The following INPP5A variants were observed in gnomAD, a reference collection of about 807,000 sequenced individuals.
INPP5A encodes inositol polyphosphate-5-phosphatase A, also known as 43 kDa inositol polyphosphate 5-phophatase.
Under a neutral mutation model 65.2 loss-of-function variants are expected in INPP5A, and 14 were observed. That is an observed-to-expected ratio of 0.21 (90% CI 0.14 to 0.34). The LOEUF (loss-of-function observed/expected upper bound fraction) is 0.34. INPP5A is among the 10% of genes least tolerant of loss of function. The pLI is 1.00. For missense variants in INPP5A, 431 were observed against 545.6 expected, an observed-to-expected ratio of 0.79 and a Z score of 2.09; for synonymous variants, 207 against 208.3, an observed-to-expected ratio of 0.99 and a Z score of 0.05.
intron 9 of INPP5A, among the ~76,000 whole-genome samples, chr10:132,733,820 G>A (rs926812682): frequency 1.3e-5 from 2 of 152,232 alleles, no homozygotes; most frequent in African/African-American, 4.8e-5. Context: ...CAGCCTCTGC[G>A]CGTGAACAAG....
chr10:132,777,418 C>T (rs1018733600), intron 12 of INPP5A, among the ~76,000 whole-genome samples: 10 of 152,244 alleles, frequency 6.6e-5, no homozygotes, highest in African/African-American at 2.4e-4. Context: ...CAGACAATTT[C>T]ATGCAGTAAA....
intron 2 of INPP5A, among the ~76,000 whole-genome samples, chr10:132,613,034 A>C (rs2071980636): frequency 6.6e-6 from 1 of 152,192 alleles, no homozygotes; most frequent in Non-Finnish European, 1.5e-5. Flanking sequence ...GCAAGACCCC[A>C]ACTTGACAGA....
At chr10:132,720,760 C>A (rs1845857199) in intron 8 of INPP5A, among the ~76,000 whole-genome samples, 1 of 149,522 alleles carries the variant, frequency 6.7e-6, no homozygotes, top group South Asian at 2.1e-4. Context: ...AGACGGCTGT[C>A]TTGCGGGTTC....
chr10:132,614,887 C>T (rs2072009418), intron 2 of INPP5A, among the ~76,000 whole-genome samples: 1 of 152,282 alleles, frequency 6.6e-6, no homozygotes, highest in African/African-American at 2.4e-5. Context: ...AGAGTGGACC[C>T]TCCTCGTGGA....
rs557965634 is a variant in INPP5A at position 132,546,248 on chromosome 10, G to A, written c.75+8077G>A. 2.9e-4 allele frequency among the ~76,000 whole-genome samples: 44 copies of A among 152,364 alleles called. No individual in the cohort carries two copies. In the East Asian group the frequency reaches 4.2e-3, roughly 15 times the overall value. On this transcript the variant is annotated intron_variant, in intron 1 of 15. Coordinates refer to ENST00000368594, the MANE Select transcript of INPP5A (RefSeq NM_005539.5). The surrounding 1 kb of genome is among the most constrained non-coding windows in gnomAD (Gnocchi z 5.7). ...GCTCCCAGCCCGCGGGGGTCTTGGCGTTGGCGCAGAAGTGGTTTCCCAGCG... is the reference window on the plus strand; with the variant it reads ...GCTCCCAGCCCGCGGGGGTCTTGGCATTGGCGCAGAAGTGGTTTCCCAGCG...
At chr10:132,584,139 T>C (rs2071519952) in intron 1 of INPP5A, among the ~76,000 whole-genome samples, 2 of 152,242 alleles carry the variant, frequency 1.3e-5, no homozygotes, top group South Asian at 4.1e-4. Context: ...TACACATCAG[T>C]GAGAGCTGTT....
chr10:132,660,048 C>T (rs922869070), intron 4 of INPP5A, among the ~76,000 whole-genome samples: 44 of 152,218 alleles, frequency 2.9e-4, no homozygotes, highest in African/African-American at 9.9e-4. Flanking sequence ...TCCGCCGACG[C>T]GTGGCCCACG....
At chr10:132,721,521 A>C (rs1175300906) in intron 8 of INPP5A, among the ~76,000 whole-genome samples, 8 of 149,662 alleles carry the variant, frequency 5.3e-5, no homozygotes, top group Non-Finnish European at 8.9e-5. Flanking sequence ...TGGGGGCCTT[A>C]GACGGCTATC....
rs564140459 is a variant in INPP5A, at chr10:132,768,558, G to T, written c.977+2712G>T. Among the ~76,000 whole-genome samples the T allele has an allele frequency of 7.7e-4, 118 of 152,318 alleles. 1 individual carries two copies. The South Asian group carries it at 8.9e-3, about 11-fold the overall frequency. On this transcript the variant is annotated intron_variant, in intron 12 of 15. Transcript: ENST00000368594. Reference sequence around the variant, plus strand: ...TGCGTGCCAGGCTCGTCCACCTGCCGCCTCACACTCTTCCCCGTGCAGCTC... The same window carrying T: ...TGCGTGCCAGGCTCGTCCACCTGCCTCCTCACACTCTTCCCCGTGCAGCTC...
rs540155968 is a variant in INPP5A, at chr10:132,634,241, G to A, written c.118-11627G>A. Among the ~76,000 whole-genome samples, 11 of 151,842 alleles carry A rather than the reference G, an allele frequency of 7.2e-5. No individual in the cohort carries two copies. In the South Asian group the frequency reaches 1.3e-3, roughly 17 times the overall value. ...CCATCTCCCTTGGCGGGTGTGCCCC[G>A]GAGAGGCGTGTCATCTCCCTTGGCA... On this transcript the variant is annotated intron_variant, in intron 2 of 15. Transcript: ENST00000368594.
intron 5 of INPP5A, among the ~76,000 whole-genome samples, chr10:132,691,586 T>C (rs1845262827): frequency 6.6e-6 from 1 of 152,236 alleles, no homozygotes. Context: ...ACTACTAAGT[T>C]AAATCAGTCA....
intron 1 of INPP5A, among the ~76,000 whole-genome samples, chr10:132,552,983 G>A (rs1237872136): frequency 4.7e-5 from 5 of 106,026 alleles, no homozygotes; most frequent in African/African-American, 1.5e-4. Flanking sequence ...ATTGGTGAAC[G>A]CCTTCTCAGA....
chr10:132,764,745 C>T (rs570923104), intron 11 of INPP5A, among the ~76,000 whole-genome samples: 1,259 of 93,392 alleles, frequency 0.013, 21 homozygotes, highest in Middle Eastern at 0.037. Flanking sequence ...CACGGTCGGG[C>T]CAGTCCTGCT....
chr10:132,626,732 C>T (rs1251765327), intron 2 of INPP5A, among the ~76,000 whole-genome samples: 2 of 152,220 alleles, frequency 1.3e-5, no homozygotes, highest in East Asian at 3.9e-4. Flanking sequence ...GGAATGCACA[C>T]GTTAGCAGTC....
intron 1 of INPP5A, among the ~76,000 whole-genome samples, chr10:132,594,043 G>A (rs1018690910): frequency 6.6e-6 from 1 of 152,146 alleles, no homozygotes. Context: ...AGTTTTTAAC[G>A]TGCTGCTGGA....
At chr10:132,557,171 G>A (rs2071137781) in intron 1 of INPP5A, among the ~76,000 whole-genome samples, 2 of 152,264 alleles carry the variant, frequency 1.3e-5, no homozygotes, top group Admixed American at 1.3e-4. Flanking sequence ...CCCTTGCAGA[G>A]GGGTATCCTT....
At chr10:132,763,685 G>A (rs542433797) in intron 11 of INPP5A, among the ~76,000 whole-genome samples, 100 of 150,598 alleles carry the variant, frequency 6.6e-4, no homozygotes, top group Non-Finnish European at 1.2e-3. Context: ...ACACGTGCCT[G>A]CATGCAAACA....
chr10:132,658,578 G>A (rs1265995617), intron 4 of INPP5A, among the ~76,000 whole-genome samples: 1 of 152,106 alleles, frequency 6.6e-6, no homozygotes, highest in Non-Finnish European at 1.5e-5. Flanking sequence ...GCTGCAGGCC[G>A]GGCCTTGGAT....
intron 11 of INPP5A, among the ~76,000 whole-genome samples, chr10:132,761,418 A>G (rs1446719278): frequency 1.3e-5 from 2 of 152,196 alleles, no homozygotes; most frequent in Non-Finnish European, 2.9e-5. Flanking sequence ...AGACAGACAG[A>G]CACATCCCTG....
Sources: allele counts gnomAD v4.1 joint callset (sites outside exome capture counted in the v4.1 genomes callset), GRCh38; gene constraint gnomAD v4.1.1; non-coding constraint Gnocchi (gnomAD v3.1); transcripts MANE v1.5; gene names NCBI Gene and HGNC (gene_info 2026-07-23, HGNC 2026-07-21).